The following TRIM2 variants were observed in gnomAD, a reference collection of about 807,000 sequenced individuals.
TRIM2 encodes the protein tripartite motif-containing protein 2.
In TRIM2, 20 loss-of-function variants were observed where a neutral mutation model predicts 75.2. That is an observed-to-expected ratio of 0.27 (90% CI 0.19 to 0.39). The LOEUF (loss-of-function observed/expected upper bound fraction) is 0.39, where lower values mean the gene tolerates loss of function less well. TRIM2 is among the 10% of genes least tolerant of loss of function. TRIM2 has a pLI of 1.00. For missense variants in TRIM2, 660 were observed against 990.8 expected (o/e 0.67, Z 4.48); for synonymous variants, 373 against 388.3 (o/e 0.96, Z 0.46).
intron 1 of TRIM2, among the ~76,000 whole-genome samples, chr4:153,262,438 G>T (rs1306610727): frequency 6.6e-6 from 1 of 152,166 alleles, no homozygotes; most frequent in African/African-American, 2.4e-5. Flanking sequence ...TACTGGTTTG[G>T]GTGGTGCCAG....
At chr4:153,189,202 G>T (rs1272493035) in intron 1 of TRIM2, among the ~76,000 whole-genome samples, 1 of 152,160 alleles carries the variant, frequency 6.6e-6, no homozygotes, top group African/African-American at 2.4e-5. Context: ...CTTCAGTAAA[G>T]AATAAAATGA....
chr4:153,297,396 A>G (rs1006822645), intron 6 of TRIM2, among the ~76,000 whole-genome samples: 2 of 152,158 alleles, frequency 1.3e-5, no homozygotes, highest in Non-Finnish European at 2.9e-5. Context: ...CAAATCTTTC[A>G]GCTTCCCTGT....
chr4:153,227,095 G>T (rs1278271375), intron 1 of TRIM2, among the ~76,000 whole-genome samples: 1 of 152,228 alleles, frequency 6.6e-6, no homozygotes, highest in Admixed American at 6.5e-5. Flanking sequence ...GAGGAAATCA[G>T]CTCTGGCTGT....
chr4:153,286,589 A>G (rs1254294461), intron 3 of TRIM2, among the ~76,000 whole-genome samples: 2 of 152,102 alleles, frequency 1.3e-5, no homozygotes, highest in East Asian at 1.9e-4. Flanking sequence ...CATTTCATCT[A>G]AGTTATTCAA....
At chr4:153,264,619 C>G (rs1225392048) in intron 1 of TRIM2, among the ~76,000 whole-genome samples, 1 of 152,190 alleles carries the variant, frequency 6.6e-6, no homozygotes, top group African/African-American at 2.4e-5. Context: ...AGACCAGAAA[C>G]TGTGGTAGTG....
intron 6 of TRIM2, among the ~76,000 whole-genome samples, chr4:153,311,322 C>G (rs1766241558): frequency 6.6e-6 from 1 of 152,146 alleles, no homozygotes; most frequent in African/African-American, 2.4e-5. Flanking sequence ...ACCTCCTTGA[C>G]TAGTACTAAA....
At chr4:153,229,646 T>C (rs1187442566) in intron 1 of TRIM2, among the ~76,000 whole-genome samples, 1 of 152,226 alleles carries the variant, frequency 6.6e-6, no homozygotes, top group Admixed American at 6.5e-5. Flanking sequence ...GGGAAATAAT[T>C]ATTAAGCATT....
At position 153,294,400 on chromosome 4, in the gene TRIM2, C is replaced by T; in HGVS notation, c.701C>T (p.Thr234Ile). 6.2e-7 allele frequency: 1 copy of T among 1,614,150 alleles called. No homozygotes were observed. Among genetic ancestry groups the T allele is most frequent in the Non-Finnish European group, 8.5e-7 (1 of 1,180,030 alleles). The change falls in exon 5 of 12, where the codon ACC becomes ATC. Residue 234 changes from threonine (T) to isoleucine (I), a missense_variant. By Grantham distance (89) the Thr-to-Ile change is moderately conservative. This residue lies in a region of TRIM2 where 620 missense variants were observed against 891.0 expected (regional missense o/e 0.70). Coordinates refer to ENST00000338700, the MANE Select transcript of TRIM2 (RefSeq NM_015271.5). ...AGCATCGTGGATGACATTCATTCCA[C>T]CTTTGATGAGCTCCAGAAGACTTTA... is the stretch of plus-strand genomic sequence containing the variant. ...KASIVDDIHSTFDELQKTLNV... is the reference protein window; with the variant it reads ...KASIVDDIHSIFDELQKTLNV...
intron 1 of TRIM2, among the ~76,000 whole-genome samples, chr4:153,187,190 AT>A (rs1211446205): frequency 6.6e-6 from 1 of 152,222 alleles, no homozygotes; most frequent in Non-Finnish European, 1.5e-5. Flanking sequence ...TGTAATTAGA[AT>A]GCTAAAACAG....
At chr4:153,266,640 C>CTTT (rs35140648) in intron 1 of TRIM2, among the ~76,000 whole-genome samples, 7 of 131,278 alleles carry the variant, frequency 5.3e-5, no homozygotes, top group African/African-American at 8.9e-5. Context: ...TGTGCCCGAC[C>CTTT]TTTTTTTTTT....
intron 1 of TRIM2, among the ~76,000 whole-genome samples, chr4:153,178,370 G>A (rs1731693598): frequency 6.6e-6 from 1 of 152,176 alleles, no homozygotes; most frequent in South Asian, 2.1e-4. Context: ...TACTGTACTT[G>A]AAGGTTAATC....
At chr4:153,231,089 G>A (rs1743494669) in intron 1 of TRIM2, among the ~76,000 whole-genome samples, 1 of 152,198 alleles carries the variant, frequency 6.6e-6, no homozygotes, top group Non-Finnish European at 1.5e-5. Context: ...ACACGCTCAA[G>A]TATACTTGAT....
Position 153,251,505 on chromosome 4 carries a change from G to A in TRIM2, c.31-18830G>A, listed in dbSNP as rs1750873490. On this transcript the variant is annotated intron_variant, in intron 1 of 11. Coordinates refer to ENST00000338700, the MANE Select transcript of TRIM2 (RefSeq NM_015271.5). ...TACTTTTCATAAAGTTTTTATGTTT[G>A]TTTTTCTTTATATCTTTAAAATTTT... 3.9e-5 allele frequency among the ~76,000 whole-genome samples: 6 copies of A among 152,048 alleles called. No individual in the cohort carries two copies. In the South Asian group the frequency reaches 1.2e-3, roughly 32 times the overall value.
At chr4:153,257,337 C>T (rs976832860) in intron 1 of TRIM2, 19 of 963,058 alleles carry the variant, frequency 2.0e-5, no homozygotes, top group Non-Finnish European at 2.4e-5. Context: ...CAGCTCGCTG[C>T]TGCATCCCTA....
chr4:153,170,915 A>G (rs899216765), intron 1 of TRIM2, among the ~76,000 whole-genome samples: 5 of 152,226 alleles, frequency 3.3e-5, no homozygotes, highest in African/African-American at 1.2e-4. Flanking sequence ...TAGACTTGGC[A>G]GGCACCAGGC....
rs973160105 is a variant in TRIM2 at position 153,272,067 on chromosome 4, G to A, written c.215+1548G>A. Among the ~76,000 whole-genome samples the A allele has an allele frequency of 5.9e-5, 9 of 152,296 alleles. 1 individual carries two copies. Among genetic ancestry groups the A allele is most frequent in the Admixed American group, 5.2e-4 (8 of 15,294 alleles). ...TGGTGGTAGAGATTTGTGAGATTCT[G>A]CTACAGCAAGTCCTTACACAATGCT... On this transcript the variant is annotated intron_variant, in intron 2 of 11. Coordinates refer to ENST00000338700, the MANE Select transcript of TRIM2 (RefSeq NM_015271.5).
intron 1 of TRIM2, among the ~76,000 whole-genome samples, chr4:153,237,923 C>T (rs542510352): frequency 7.9e-5 from 12 of 152,222 alleles, no homozygotes; most frequent in African/African-American, 2.2e-4. Flanking sequence ...CTTACACCTT[C>T]GCTAGTCATT....
At chr4:153,242,630 G>A (rs751847927) in intron 1 of TRIM2, among the ~76,000 whole-genome samples, 2 of 152,196 alleles carry the variant, frequency 1.3e-5, no homozygotes. Flanking sequence ...ACCTTTGCTT[G>A]TTGTATTCCC....
Position 153,338,834 on chromosome 4 carries a change from A to G in TRIM2, c.*3868A>G. On this transcript the variant is annotated 3_prime_UTR_variant, in exon 12 of 12. Transcript: ENST00000338700. Reference sequence around the variant, plus strand: ...TGAAAGCAACACAGCCTTAAACTCAATGCTTTTGCTTTATGACATGGGAAT... The same window carrying G: ...TGAAAGCAACACAGCCTTAAACTCAGTGCTTTTGCTTTATGACATGGGAAT... 4 of 985,770 alleles carry G rather than the reference A, an allele frequency of 4.1e-6. No individual in the cohort carries two copies. The highest frequency in any genetic ancestry group is 4.8e-6 in the Non-Finnish European group (4 of 829,918). The allele number at this position is 985,770 out of a possible 1,614,324, so 61.1% of individuals were successfully genotyped here.
Sources: allele counts gnomAD v4.1 joint callset (sites outside exome capture counted in the v4.1 genomes callset), GRCh38; gene constraint gnomAD v4.1.1; regional missense constraint gnomAD v4.1.1; transcripts MANE v1.5; gene names NCBI Gene and HGNC (gene_info 2026-07-23, HGNC 2026-07-21).